TTC27: variants seen among roughly 807,000 people sequenced by gnomAD.
TTC27 encodes the protein tetratricopeptide repeat domain 27.
Under a neutral mutation model 115.9 loss-of-function variants are expected in TTC27, and 79 were observed. That is an observed-to-expected ratio of 0.68 (90% CI 0.57 to 0.82). TTC27 has a LOEUF of 0.82. TTC27 is among the 40% of genes least tolerant of loss of function. TTC27 has a pLI of 0.00. For synonymous variants in TTC27, 401 were observed against 356.0 expected, an observed-to-expected ratio of 1.13 and a Z score of -1.42; for missense variants, 1,054 against 993.1, an observed-to-expected ratio of 1.06 and a Z score of -0.82.
chr2:32,669,427 T>C (rs1270324554), intron 7 of TTC27, among the ~76,000 whole-genome samples: 1 of 152,260 alleles, frequency 6.6e-6, no homozygotes, highest in Non-Finnish European at 1.5e-5. Context: ...TTTATTCTAA[T>C]GGGTGGAAGA....
At position 32,764,393 on chromosome 2, in the gene TTC27, TA is replaced by T. The variant is rs890821132; in HGVS notation, c.1680+5883del. 2.4e-3 allele frequency among the ~76,000 whole-genome samples: 362 copies of T among 150,744 alleles called. 2 individuals are homozygous for T. Among genetic ancestry groups the T allele is most frequent in the Non-Finnish European group, 2.7e-3 (184 of 67,612 alleles). On this transcript the variant is annotated intron_variant, in intron 13 of 19. Transcript: ENST00000317907. ...ATCAAGTGTGCAATACTATTATGTC[TA>T]AAAAAAAACAAACAAAAATCATAAA...
chr2:32,695,093 A>G (rs1280949508), intron 9 of TTC27, among the ~76,000 whole-genome samples: 1 of 152,202 alleles, frequency 6.6e-6, no homozygotes, highest in African/African-American at 2.4e-5. Context: ...GTTCAGTGGC[A>G]TTAAGTACAT....
chr2:32,754,016 A>G (rs74799151), intron 12 of TTC27, among the ~76,000 whole-genome samples: 2,731 of 152,182 alleles, frequency 0.018, 71 homozygotes, highest in African/African-American at 0.063. Context: ...TGGAGGTTGC[A>G]GTGAGCAGAT....
intron 5 of TTC27, among the ~76,000 whole-genome samples, chr2:32,657,999 T>C (rs71446077): frequency 0.28 from 42,249 of 151,996 alleles, 6,329 homozygotes; most frequent in Middle Eastern, 0.46. Context: ...CCAGCTAATT[T>C]TGTATTTTTG....
chr2:32,783,448 G>C (rs142997554), intron 15 of TTC27, among the ~76,000 whole-genome samples: 1 of 152,338 alleles, frequency 6.6e-6, no homozygotes, highest in East Asian at 1.9e-4. Flanking sequence ...GCTATGATGT[G>C]AAATATACGG....
At chr2:32,787,366 T>A (rs1178981914) in intron 16 of TTC27, among the ~76,000 whole-genome samples, 2 of 152,250 alleles carry the variant, frequency 1.3e-5, no homozygotes, top group African/African-American at 4.8e-5. Context: ...TGAATATTAC[T>A]CTGACTCAGT....
At chr2:32,754,181 G>T (rs1266690074) in intron 12 of TTC27, among the ~76,000 whole-genome samples, 5 of 148,296 alleles carry the variant, frequency 3.4e-5, no homozygotes, top group Non-Finnish European at 5.9e-5. Context: ...ATTCTTGGGT[G>T]TTTCTCGCAG....
At chr2:32,660,518 G>C (rs112304999) in intron 5 of TTC27, among the ~76,000 whole-genome samples, 9 of 152,002 alleles carry the variant, frequency 5.9e-5, no homozygotes, top group African/African-American at 2.2e-4. Flanking sequence ...AACACTGCAT[G>C]TTCTCACTCA....
chr2:32,779,828 T>C (rs1359582111), intron 14 of TTC27, among the ~76,000 whole-genome samples: 2 of 150,636 alleles, frequency 1.3e-5, no homozygotes, highest in African/African-American at 2.4e-5. Context: ...TTATTTATGA[T>C]ATAAGGAAGG....
intron 13 of TTC27, among the ~76,000 whole-genome samples, chr2:32,758,984 A>T (rs1669342111): frequency 2.0e-5 from 3 of 152,210 alleles, no homozygotes; most frequent in Admixed American, 1.3e-4. Context: ...ACACACAAAT[A>T]CATTTAAATG....
Position 32,711,972 on chromosome 2 carries a change from C to G in TTC27, c.1233+9052C>G, listed in dbSNP as rs546016744. 4.6e-5 allele frequency among the ~76,000 whole-genome samples: 7 copies of G among 152,000 alleles called. No individual in the cohort carries two copies. In the South Asian group the frequency reaches 1.5e-3, roughly 32 times the overall value. On this transcript the variant is annotated intron_variant, in intron 10 of 19. Coordinates refer to ENST00000317907, the MANE Select transcript of TTC27 (RefSeq NM_017735.5). ...AAAAAAAAGACTTAAGGAAAATAAG[C>G]TAGAAAGGACCCCCTTAGGAAAAAG...
chr2:32,786,166 G>A (rs1670341755), intron 15 of TTC27, among the ~76,000 whole-genome samples: 1 of 151,944 alleles, frequency 6.6e-6, no homozygotes, highest in Admixed American at 6.5e-5. Context: ...CTGTTGCCCA[G>A]GCTGGAGTGC....
intron 16 of TTC27, among the ~76,000 whole-genome samples, chr2:32,790,992 T>C (rs1670515897): frequency 6.6e-6 from 1 of 152,254 alleles, no homozygotes; most frequent in African/African-American, 2.4e-5. Flanking sequence ...CAGTACTATG[T>C]TGAAAAACAC....
At chr2:32,741,249 C>T in intron 12 of TTC27, among the ~76,000 whole-genome samples, 2 of 152,264 alleles carry the variant, frequency 1.3e-5, no homozygotes, top group Middle Eastern at 3.4e-3. Context: ...TTGGTGGTAC[C>T]ATCCACCTGT....
intron 14 of TTC27, among the ~76,000 whole-genome samples, chr2:32,781,428 A>G (rs6746991): frequency 0.056 from 8,568 of 151,908 alleles, 450 homozygotes; most frequent in African/African-American, 0.14. Flanking sequence ...CATGTCCGCC[A>G]TTTTTTAAAA....
intron 10 of TTC27, among the ~76,000 whole-genome samples, chr2:32,703,915 A>T (rs1326045168): frequency 6.6e-6 from 1 of 152,230 alleles, no homozygotes; most frequent in East Asian, 1.9e-4. Context: ...GTCTAAGATC[A>T]AGGTGCTGGC....
At position 32,758,160 on chromosome 2, in the gene TTC27, T is replaced by C. The variant is rs993850626; in HGVS notation, c.1453-132T>C. ...CCTCTTACTCAACCTGTGTCCTTGA[T>C]AGGTCAAATAAGAAATCTCAAACGT... On this transcript the variant is annotated intron_variant, in intron 12 of 19. Transcript: ENST00000317907. The C allele has an allele frequency of 5.3e-6, 4 of 760,438 alleles. No homozygotes were observed. In the African/African-American group the frequency reaches 7.1e-5, roughly 13 times the overall value. 47.1% of individuals were successfully genotyped at this position (760,438 alleles called of 1,614,324 possible). A position where few individuals can be genotyped will look rare whatever the true frequency, so the allele number is the denominator to read the frequency against.
intron 5 of TTC27, among the ~76,000 whole-genome samples, chr2:32,659,006 C>T (rs920082644): frequency 5.3e-5 from 8 of 152,150 alleles, no homozygotes; most frequent in African/African-American, 1.9e-4. Flanking sequence ...AGTCTGTCAC[C>T]TAGACTGGAA....
intron 10 of TTC27, among the ~76,000 whole-genome samples, chr2:32,730,517 T>C (rs994108653): frequency 1.6e-4 from 24 of 148,906 alleles, no homozygotes; most frequent in African/African-American, 5.8e-4. Context: ...ACTATAACAA[T>C]GTCCCTGTCT....
Sources: gnomAD v4.1 joint callset for allele counts (sites outside exome capture counted in the v4.1 genomes callset) on GRCh38, gnomAD v4.1.1 for gene constraint, MANE v1.5 for transcripts, NCBI Gene and HGNC (gene_info 2026-07-23, HGNC 2026-07-21) for gene names.